The following SLC2A13 variants were observed in gnomAD, a reference collection of about 807,000 sequenced individuals.
SLC2A13 encodes proton myo-inositol cotransporter.
A neutral mutation model predicts 64.4 loss-of-function variants in SLC2A13; 32 were observed. The observed-to-expected ratio is 0.50, with a 90% CI of 0.37 to 0.67. The LOEUF (loss-of-function observed/expected upper bound fraction) is 0.67, where lower values mean the gene tolerates loss of function less well. SLC2A13 is among the 30% of genes least tolerant of loss of function. SLC2A13 has a pLI of 0.00. For missense variants in SLC2A13, 743 were observed against 829.2 expected (o/e 0.90, Z 1.28); for synonymous variants, 338 against 327.1 (o/e 1.03, Z -0.36).
chr12:40,043,445 C>T (rs1948126593), intron 2 of SLC2A13, among the ~76,000 whole-genome samples: 1 of 151,952 alleles, frequency 6.6e-6, no homozygotes, highest in African/African-American at 2.4e-5. Context: ...GCCTGGCCAA[C>T]ATGGTGAAAC....
chr12:39,880,555 A>G (rs1314934344), intron 4 of SLC2A13, among the ~76,000 whole-genome samples: 1 of 152,242 alleles, frequency 6.6e-6, no homozygotes, highest in Non-Finnish European at 1.5e-5. Context: ...CAATGATACA[A>G]AAATCATAGA....
intron 1 of SLC2A13, among the ~76,000 whole-genome samples, chr12:40,075,731 A>G (rs777152716): frequency 3.9e-5 from 6 of 152,114 alleles, no homozygotes; most frequent in Non-Finnish European, 5.9e-5. Context: ...TGCTGACACA[A>G]ATGTTAGAAA....
intron 7 of SLC2A13, among the ~76,000 whole-genome samples, chr12:39,800,378 T>G (rs1488330470): frequency 6.6e-6 from 1 of 151,368 alleles, no homozygotes; most frequent in Admixed American, 6.6e-5. Context: ...GAATCTACAA[T>G]GAACTCAAAC....
chr12:39,983,259 T>G (rs901146961), intron 3 of SLC2A13, among the ~76,000 whole-genome samples: 1 of 134,314 alleles, frequency 7.4e-6, no homozygotes, highest in Non-Finnish European at 1.6e-5. Context: ...ATTCAGGACA[T>G]AGGCGTGGGC....
At chr12:40,043,929 G>C (rs1948133552) in intron 2 of SLC2A13, among the ~76,000 whole-genome samples, 1 of 152,150 alleles carries the variant, frequency 6.6e-6, no homozygotes, top group Non-Finnish European at 1.5e-5. Context: ...TTTGGAAGCA[G>C]TCTGGCCAGT....
At chr12:39,779,624 A>C (rs1424603564) in intron 7 of SLC2A13, among the ~76,000 whole-genome samples, 1 of 152,230 alleles carries the variant, frequency 6.6e-6, no homozygotes, top group Non-Finnish European at 1.5e-5. Context: ...ATCTGACAAC[A>C]ATTTCTTCAC....
chr12:40,018,222 T>G (rs1019149778), intron 3 of SLC2A13, among the ~76,000 whole-genome samples: 28 of 152,192 alleles, frequency 1.8e-4, no homozygotes, highest in African/African-American at 6.5e-4. Flanking sequence ...TCCACACTCC[T>G]TTTTAAAATA....
At chr12:39,896,403 T>C (rs1237154261) in intron 4 of SLC2A13, among the ~76,000 whole-genome samples, 4 of 140,444 alleles carry the variant, frequency 2.8e-5, no homozygotes, top group Non-Finnish European at 4.6e-5. Flanking sequence ...TATATATGTA[T>C]ACATATATGT....
chr12:39,804,575 T>C (rs955437251), intron 7 of SLC2A13, among the ~76,000 whole-genome samples: 2 of 152,164 alleles, frequency 1.3e-5, no homozygotes, highest in Non-Finnish European at 1.5e-5. Context: ...TATATTAATA[T>C]GGCATAAAGG....
At chr12:39,858,505 A>G (rs1488860429) in intron 6 of SLC2A13, among the ~76,000 whole-genome samples, 2 of 152,222 alleles carry the variant, frequency 1.3e-5, no homozygotes, top group Admixed American at 1.3e-4. Context: ...ATAATATTAT[A>G]TTCACTGTCA....
In SLC2A13 at chr12:39,910,277, CTT is replaced by C. The variant is rs1945399500; in HGVS notation, c.1035-38318_1035-38317del. The stretch of plus-strand genomic sequence containing the variant: ...AATAAATATATCTGTATCTTTATAA[CTT>C]AACCATTTCTCTGAAGCAAAAGGTC... On this transcript the variant is annotated intron_variant, in intron 4 of 9. Coordinates refer to ENST00000280871, the MANE Select transcript of SLC2A13 (RefSeq NM_052885.4). Among the ~76,000 whole-genome samples the C allele has an allele frequency of 2.0e-5, 3 of 152,088 alleles. No individual in the cohort carries two copies. In the South Asian group the frequency reaches 6.2e-4, roughly 32 times the overall value.
At chr12:40,078,586 G>A (rs928711486) in intron 1 of SLC2A13, among the ~76,000 whole-genome samples, 6 of 152,120 alleles carry the variant, frequency 3.9e-5, no homozygotes, top group Admixed American at 3.3e-4. Context: ...AGGGATATTA[G>A]CCTGAAGTTT....
At chr12:40,000,470 G>C (rs1480864387) in intron 3 of SLC2A13, among the ~76,000 whole-genome samples, 1 of 152,208 alleles carries the variant, frequency 6.6e-6, no homozygotes, top group Non-Finnish European at 1.5e-5. Context: ...ACACCTGGTA[G>C]TGCCAAGCAC....
At chr12:39,844,360 A>G (rs949738289) in intron 6 of SLC2A13, among the ~76,000 whole-genome samples, 1 of 152,064 alleles carries the variant, frequency 6.6e-6, no homozygotes, top group African/African-American at 2.4e-5. Flanking sequence ...GCACTGAGGT[A>G]CATATTCTTT....
intron 4 of SLC2A13, among the ~76,000 whole-genome samples, chr12:39,903,776 A>G (rs1216178619): frequency 2.0e-5 from 3 of 152,132 alleles, no homozygotes. Context: ...TTGTTCAGTT[A>G]TGAGAATCAA....
intron 7 of SLC2A13, among the ~76,000 whole-genome samples, chr12:39,826,036 A>G (rs1358140516): frequency 6.6e-6 from 1 of 152,056 alleles, no homozygotes; most frequent in East Asian, 1.9e-4. Context: ...TTTTTATTAG[A>G]AAACATGTTC....
At chr12:40,020,711 C>T (rs780222414) in intron 3 of SLC2A13, among the ~76,000 whole-genome samples, 2 of 152,148 alleles carry the variant, frequency 1.3e-5, no homozygotes, top group Non-Finnish European at 2.9e-5. Flanking sequence ...TCTTCAGGAC[C>T]TTCTGGTAAC....
At chr12:39,845,200 A>G (rs1313524394) in intron 6 of SLC2A13, among the ~76,000 whole-genome samples, 2 of 152,114 alleles carry the variant, frequency 1.3e-5, no homozygotes, top group East Asian at 1.9e-4. Flanking sequence ...AGGTTAGGTT[A>G]TTTTAAAGTG....
intron 7 of SLC2A13, among the ~76,000 whole-genome samples, chr12:39,783,320 G>A (rs905265643): frequency 1.2e-4 from 18 of 152,132 alleles, no homozygotes; most frequent in African/African-American, 2.7e-4. Context: ...GAATAGTGCC[G>A]CAATAAACAT....
Sources: gnomAD v4.1 joint callset for allele counts (sites outside exome capture counted in the v4.1 genomes callset) on GRCh38, gnomAD v4.1.1 for gene constraint, MANE v1.5 for transcripts, NCBI Gene and HGNC (gene_info 2026-07-23, HGNC 2026-07-21) for gene names.